The following NCK1 variants were observed in gnomAD, a reference collection of about 807,000 sequenced individuals.
The protein encoded by NCK1 is SH2/SH3 adapter protein NCK1.
NCK1 carries 19 observed loss-of-function variants against 36.6 expected under a neutral mutation model. The observed-to-expected ratio is 0.52, with a 90% CI of 0.36 to 0.76. The LOEUF (loss-of-function observed/expected upper bound fraction) is 0.76, where lower values mean the gene tolerates loss of function less well. Ranked by LOEUF, NCK1 falls within the 30% of genes least tolerant of loss-of-function variation. The pLI is 0.00. For synonymous variants in NCK1, 165 were observed against 156.0 expected, an observed-to-expected ratio of 1.06 and a Z score of -0.43; for missense variants, 358 against 445.6, an observed-to-expected ratio of 0.80 and a Z score of 1.77.
intron 1 of NCK1, among the ~76,000 whole-genome samples, chr3:136,868,098 G>A (rs1387263489): frequency 1.3e-5 from 2 of 151,880 alleles, no homozygotes; most frequent in Non-Finnish European, 2.9e-5. Context: ...TGTATTTTTA[G>A]TAGAGATGGG....
chr3:136,867,117 TTTGTTTCTTTCTTTCCTTCCTTCCTTCC>T (rs1938459702), intron 1 of NCK1, among the ~76,000 whole-genome samples: 5 of 27,010 alleles, frequency 1.9e-4, no homozygotes, highest in South Asian at 1.7e-3. Flanking sequence ...TCTTTCTTTC[TTTGTTTCTTTCTTTCCTTCCTTCCTTCC>T]TTCCTTCCTT....
chr3:136,926,160 A>G (rs1007741593), intron 1 of NCK1, among the ~76,000 whole-genome samples: 3 of 149,912 alleles, frequency 2.0e-5, no homozygotes, highest in African/African-American at 4.9e-5. Flanking sequence ...CTCATTTTCT[A>G]GTTGGATTTG....
At chr3:136,864,860 C>G (rs922569573) in intron 1 of NCK1, among the ~76,000 whole-genome samples, 2 of 148,316 alleles carry the variant, frequency 1.3e-5, no homozygotes, top group Non-Finnish European at 3.0e-5. Flanking sequence ...CGGGTTCAAT[C>G]GATTCTTGTG....
At chr3:136,906,529 A>G (rs1939690615) in intron 1 of NCK1, among the ~76,000 whole-genome samples, 3 of 152,190 alleles carry the variant, frequency 2.0e-5, no homozygotes, top group Admixed American at 2.0e-4. Context: ...TGCTGGCACC[A>G]GTGTTAGCAG....
At chr3:136,928,392 A>G (rs975432497) in intron 2 of NCK1, 165 bp downstream of exon 2, 21 of 642,304 alleles carry the variant, frequency 3.3e-5, no homozygotes, top group East Asian at 5.5e-5. Flanking sequence ...AGTGAAGGTC[A>G]TAAGTGTTAA....
chr3:136,900,284 T>C (rs1326623770), intron 1 of NCK1, among the ~76,000 whole-genome samples: 1 of 152,234 alleles, frequency 6.6e-6, no homozygotes, highest in Non-Finnish European at 1.5e-5. Flanking sequence ...TTATCTGTTT[T>C]ATTCCATTAG....
chr3:136,907,524 C>G (rs1939717287), intron 1 of NCK1, among the ~76,000 whole-genome samples: 1 of 152,176 alleles, frequency 6.6e-6, no homozygotes, highest in African/African-American at 2.4e-5. Flanking sequence ...TTGTAAGAGT[C>G]TGGTGGGACT....
intron 2 of NCK1, among the ~76,000 whole-genome samples, chr3:136,942,445 G>C (rs1179152078): frequency 6.6e-6 from 1 of 152,154 alleles, no homozygotes; most frequent in Non-Finnish European, 1.5e-5. Flanking sequence ...TAATCAGCTA[G>C]GGTTTTAACA....
chr3:136,911,846 A>T (rs943163190), intron 1 of NCK1, among the ~76,000 whole-genome samples: 1 of 152,088 alleles, frequency 6.6e-6, no homozygotes, highest in Non-Finnish European at 1.5e-5. Flanking sequence ...TTTTGCCAGT[A>T]TAGGATTCTT....
chr3:136,871,184 G>T (rs372424696), intron 1 of NCK1, among the ~76,000 whole-genome samples: 2 of 151,676 alleles, frequency 1.3e-5, no homozygotes, highest in Admixed American at 1.3e-4. Flanking sequence ...TGCCTTGAGG[G>T]TAGGAGTTAG....
intron 2 of NCK1, among the ~76,000 whole-genome samples, chr3:136,935,156 C>G (rs1576987776): frequency 6.6e-6 from 1 of 152,182 alleles, no homozygotes; most frequent in Non-Finnish European, 1.5e-5. Context: ...CTGCCTCGGC[C>G]TCCCAAAATG....
At chr3:136,875,508 C>G (rs541269584) in intron 1 of NCK1, among the ~76,000 whole-genome samples, 1 of 152,264 alleles carries the variant, frequency 6.6e-6, no homozygotes, top group East Asian at 1.9e-4. Context: ...CAATCCTAGT[C>G]TCTGATAAAA....
At chr3:136,895,716 C>A (rs1450725071) in intron 1 of NCK1, among the ~76,000 whole-genome samples, 1 of 152,008 alleles carries the variant, frequency 6.6e-6, no homozygotes, top group East Asian at 1.9e-4. Context: ...AGGTGCGTAC[C>A]ACCACACCCC....
intron 1 of NCK1, among the ~76,000 whole-genome samples, chr3:136,863,602 C>T (rs1439271615): frequency 6.6e-6 from 1 of 152,158 alleles, no homozygotes; most frequent in Non-Finnish European, 1.5e-5. Flanking sequence ...TCTGAGACTT[C>T]TTTGGGAAAA....
At chr3:136,873,034 C>A (rs1344097987) in intron 1 of NCK1, among the ~76,000 whole-genome samples, 1 of 152,176 alleles carries the variant, frequency 6.6e-6, no homozygotes, top group East Asian at 1.9e-4. Flanking sequence ...ACACAGAGTT[C>A]CTACTCGGGT....
chr3:136,878,131 G>A lies in NCK1; in HGVS notation c.-19+15778G>A, dbSNP rs144271514. The stretch of plus-strand genomic sequence containing the variant: ...ACCTTTAAAACATGCTAAGTAGGCC[G>A]GACATGGTGGCTCACACCTGTAATC... On this transcript the variant is annotated intron_variant, in intron 1 of 3. Coordinates refer to ENST00000481752, the MANE Select transcript of NCK1 (RefSeq NM_001291999.2). 4.8e-4 allele frequency among the ~76,000 whole-genome samples: 73 copies of A among 152,236 alleles called. No individual in the cohort carries two copies. In the East Asian group the frequency reaches 0.011, roughly 23 times the overall value.
At chr3:136,899,752 C>T in intron 1 of NCK1, 1 of 1,158,824 alleles carries the variant, frequency 8.6e-7, no homozygotes, top group East Asian at 2.3e-5. Context: ...CCATGTTTTT[C>T]AACTCTTTTA....
chr3:136,907,282 A>G (rs566836410), intron 1 of NCK1, among the ~76,000 whole-genome samples: 6 of 152,242 alleles, frequency 3.9e-5, no homozygotes, highest in African/African-American at 1.4e-4. Context: ...CTATAGGTGG[A>G]GAATGTCAAT....
intron 1 of NCK1, among the ~76,000 whole-genome samples, chr3:136,910,467 T>C (rs1446695608): frequency 6.6e-6 from 1 of 152,202 alleles, no homozygotes; most frequent in Non-Finnish European, 1.5e-5. Flanking sequence ...AAGTTATGTT[T>C]AAAAAATTAC....
Sources: gnomAD v4.1 joint callset for allele counts (sites outside exome capture counted in the v4.1 genomes callset) on GRCh38, gnomAD v4.1.1 for gene constraint, MANE v1.5 for transcripts, NCBI Gene and HGNC (gene_info 2026-07-23, HGNC 2026-07-21) for gene names.